NIN: variants seen among roughly 807,000 people sequenced by gnomAD.
NIN encodes glycogen synthase kinase 3 beta-interacting protein.
NIN carries 137 observed loss-of-function variants against 257.6 expected under a neutral mutation model. That is an observed-to-expected ratio of 0.53 (90% CI 0.46 to 0.61). The LOEUF (loss-of-function observed/expected upper bound fraction) is 0.61. Ranked by LOEUF, NIN falls within the 20% of genes least tolerant of loss-of-function variation. The probability of loss-of-function intolerance (pLI) is 0.00; values close to 1 mark genes in which losing one functional copy is unlikely to be tolerated. For missense variants in NIN, 2,439 were observed against 2,501.2 expected (o/e 0.98, Z 0.53); for synonymous variants, 918 against 919.8 (o/e 1.00, Z 0.04).
intron 23 of NIN, among the ~76,000 whole-genome samples, chr14:50,743,848 A>G (rs2041408298): frequency 6.6e-6 from 1 of 152,178 alleles, no homozygotes; most frequent in African/African-American, 2.4e-5. Context: ...AGAAAACAGA[A>G]TATCTCTTAA....
Position 50,761,866 on chromosome 14 carries a change from G to A in NIN, c.1820C>T (p.Ala607Val). The A allele has an allele frequency of 6.2e-7, 1 of 1,614,122 alleles. No homozygotes were observed. The change falls in exon 16 of 31, where the codon GCA becomes GTA. Residue 607 changes from alanine (A) to valine (V), a missense_variant. Ala to Val is a moderately conservative substitution (Grantham distance 64). Around this residue, in one of 3 missense-constraint regions of NIN, gnomAD observed 2,043 missense variants for 2,050.2 expected, o/e 1.00. Coordinates refer to ENST00000530997, the MANE Select transcript of NIN (RefSeq NM_020921.4). ...TTTCATCTGTTCAATGACCAGCTCT[G>A]CCTCAATGCTCATATTCAATGGATT... Reference protein sequence around the residue: ...ECNPLNMSIEAELVIEQMKEQ... With the variant: ...ECNPLNMSIEVELVIEQMKEQ...
At chr14:50,794,522 G>A in intron 4 of NIN, 1 of 989,000 alleles carries the variant, frequency 1.0e-6, no homozygotes, top group Non-Finnish European at 1.2e-6. Context: ...GACACCCACA[G>A]ATGCTAGTCA....
At chr14:50,823,241 C>A (rs778799814) in intron 2 of NIN, 3 of 576,180 alleles carry the variant, frequency 5.2e-6, no homozygotes, top group South Asian at 1.4e-5. Context: ...TCTGAAGATG[C>A]CTTCGCCATG....
intron 27 of NIN, among the ~76,000 whole-genome samples, chr14:50,736,729 A>G (rs2040998935): frequency 6.6e-6 from 1 of 152,242 alleles, no homozygotes; most frequent in South Asian, 2.1e-4. Context: ...AAATTAAATG[A>G]CATTTCAGCT....
intron 9 of NIN, among the ~76,000 whole-genome samples, chr14:50,771,713 C>T (rs2141815112): frequency 6.6e-6 from 1 of 152,100 alleles, no homozygotes; most frequent in South Asian, 2.1e-4. Context: ...TGGCCAGGTG[C>T]AGTGGCTCAC....
At position 50,758,546 on chromosome 14, in the gene NIN, C is replaced by CCT; in HGVS notation, c.2482_2483dup (p.Cys829GlyfsTer17). On this transcript the variant is annotated frameshift_variant, in exon 18 of 31. Coordinates refer to ENST00000530997, the MANE Select transcript of NIN (RefSeq NM_020921.4). LOFTEE classifies it high-confidence loss of function. Reference sequence around the variant, plus strand: ...CCAGGCTTTGCAGAGCGCTTTCACACCTCTCAGTGACTTTCTGACAATCAG... The same window carrying CCT: ...CCAGGCTTTGCAGAGCGCTTTCACACCTCTCTCAGTGACTTTCTGACAATCAG... 6.2e-7 allele frequency: 1 copy of CCT among 1,613,858 alleles called. No homozygotes were observed. Among genetic ancestry groups the CCT allele is most frequent in the East Asian group, 2.2e-5 (1 of 44,876 alleles).
rs1256211891 is a variant in NIN at position 50,726,016 on chromosome 14, A to T, written c.6129T>A (p.Val2043=). 7 of 1,613,982 alleles carry T rather than the reference A, an allele frequency of 4.3e-6. No homozygotes were observed. The highest frequency in any genetic ancestry group is 4.2e-6 in the Non-Finnish European group (5 of 1,179,962). The part of the protein sequence containing the change: ...VTVMEERMIE[V]EQKLKLVKRL... ...TTTTCACTAGTTTCAGTTTCTGTTC[A>T]ACTTCTATCATTCGTTCCTCCATGA... The change falls in exon 30 of 31, where the codon GTT becomes GTA. Residue 2043 remains valine, a synonymous_variant. Transcript: ENST00000530997.
chr14:50,764,949 CAT>C (rs1245030351), intron 14 of NIN, among the ~76,000 whole-genome samples: 1 of 148,178 alleles, frequency 6.7e-6, no homozygotes, highest in African/African-American at 2.5e-5. Context: ...ATGGGTAAAA[CAT>C]ATAGTGTATA....
chr14:50,826,976 C>T (rs1208693399), intron 2 of NIN, among the ~76,000 whole-genome samples: 1 of 152,216 alleles, frequency 6.6e-6, no homozygotes, highest in African/African-American at 2.4e-5. Flanking sequence ...CATTTACTTA[C>T]TCTACAGCTG....
chr14:50,795,675 A>G (rs2043807114), intron 4 of NIN, among the ~76,000 whole-genome samples: 1 of 152,218 alleles, frequency 6.6e-6, no homozygotes, highest in South Asian at 2.1e-4. Flanking sequence ...TATCTATGTC[A>G]GATAACATGG....
intron 4 of NIN, among the ~76,000 whole-genome samples, chr14:50,798,527 T>C (rs972508953): frequency 6.6e-6 from 1 of 152,222 alleles, no homozygotes; most frequent in Non-Finnish European, 1.5e-5. Context: ...AATAAAATCT[T>C]TGAGTTGATA....
chr14:50,734,733 G>A (rs2040892088), intron 28 of NIN, among the ~76,000 whole-genome samples: 1 of 152,050 alleles, frequency 6.6e-6, no homozygotes, highest in Non-Finnish European at 1.5e-5. Context: ...AAGCTGGAGT[G>A]CAGTGGTGTG....
Position 50,758,557 on chromosome 14 carries a change from C to G in NIN, c.2473G>C (p.Val825Leu). The G allele has an allele frequency of 1.2e-6, 2 of 1,612,694 alleles. No individual in the cohort carries two copies. The highest frequency in any genetic ancestry group is 1.7e-6 in the Non-Finnish European group (2 of 1,179,486). The change falls in exon 18 of 31, where the codon GTC becomes CTC. Residue 825 changes from valine to leucine, a missense_variant. This residue lies in a region of NIN where 2,043 missense variants were observed against 2,050.2 expected (regional missense o/e 1.00). Transcript: ENST00000530997. The part of the protein sequence containing the change: ...EAQFQSDCQK[V>L]TERCESALQS... The stretch of plus-strand genomic sequence containing the variant: ...AGAGCGCTTTCACACCTCTCAGTGA[C>G]TTTCTGACAATCAGACTGAAACTGG...
chr14:50,759,779 G>A (rs934839089), intron 17 of NIN, 78 bp downstream of exon 17: 6 of 1,476,090 alleles, frequency 4.1e-6, no homozygotes, highest in Middle Eastern at 2.1e-4. Flanking sequence ...GTGAGCCACC[G>A]CGCCCAGCCA....
At chr14:50,760,902 C>T (rs1465651952) in intron 16 of NIN, among the ~76,000 whole-genome samples, 2 of 152,084 alleles carry the variant, frequency 1.3e-5, no homozygotes, top group African/African-American at 4.8e-5. Context: ...CTCCTAGGCT[C>T]AAGTGGTCTG....
In NIN at chr14:50,791,327, G is replaced by A. The variant is rs545573658; in HGVS notation, c.435+1385C>T. The stretch of plus-strand genomic sequence containing the variant: ...TGGGGAAAGACCCCTATCTCAATTC[G>A]CAAAGAGACCCAAGAAAGGAGAAGG... On this transcript the variant is annotated intron_variant, in intron 5 of 30. Transcript: ENST00000530997. Among the ~76,000 whole-genome samples the A allele has an allele frequency of 2.6e-5, 4 of 152,192 alleles. No homozygotes were observed. In the East Asian group the frequency reaches 7.7e-4, roughly 29 times the overall value.
At chr14:50,752,322 G>A (rs1272563345) in intron 21 of NIN, among the ~76,000 whole-genome samples, 196 bp downstream of exon 21, 1 of 152,094 alleles carries the variant, frequency 6.6e-6, no homozygotes, top group African/African-American at 2.4e-5. Context: ...AGTGGCCCTG[G>A]TTATACACTA....
At chr14:50,727,106 T>G (rs2040445594) in intron 29 of NIN, 3 of 330,766 alleles carry the variant, frequency 9.1e-6, no homozygotes. Context: ...AATAATAGCT[T>G]TTTAAAGTTC....
chr14:50,771,562 T>A, intron 9 of NIN, 94 bp from the exon 10 acceptor site: 6 of 1,349,676 alleles, frequency 4.4e-6, no homozygotes, highest in Non-Finnish European at 6.1e-6. Context: ...CTCTGAGAGC[T>A]GACAATGATC....
Sources: allele counts gnomAD v4.1 joint callset (sites outside exome capture counted in the v4.1 genomes callset), GRCh38; gene constraint gnomAD v4.1.1; regional missense constraint gnomAD v4.1.1; transcripts MANE v1.5; gene names NCBI Gene and HGNC (gene_info 2026-07-23, HGNC 2026-07-21).